CACNA2D1: variants seen among roughly 807,000 people sequenced by gnomAD.
CACNA2D1 encodes calcium voltage-gated channel auxiliary subunit alpha2delta 1.
CACNA2D1 carries 53 observed loss-of-function variants against 171.5 expected under a neutral mutation model. That is an observed-to-expected ratio of 0.31 (90% CI 0.25 to 0.39). CACNA2D1 has a LOEUF of 0.39. Among genes scored for constraint, CACNA2D1 ranks in the 10% least tolerant of loss-of-function variants. CACNA2D1 has a pLI of 1.00. For missense variants in CACNA2D1, 903 were observed against 1,299.8 expected, an observed-to-expected ratio of 0.69 and a Z score of 4.69; for synonymous variants, 442 against 443.1, an observed-to-expected ratio of 1.00 and a Z score of 0.03.
intron 6 of CACNA2D1, among the ~76,000 whole-genome samples, chr7:82,115,282 T>C (rs1469725597): frequency 2.6e-5 from 4 of 152,302 alleles, no homozygotes; most frequent in African/African-American, 9.6e-5. Context: ...GAAAATATAT[T>C]ATTCAAAAAT....
At chr7:82,028,404 A>T (rs1802220473) in intron 12 of CACNA2D1, 1 of 151,854 alleles carries the variant, frequency 6.6e-6, no homozygotes, top group Non-Finnish European at 1.5e-5. Flanking sequence ...TTACAAGGAG[A>T]TTAATGTGTT....
intron 3 of CACNA2D1, among the ~76,000 whole-genome samples, chr7:82,237,312 T>C (rs1276813766): frequency 2.0e-5 from 3 of 151,962 alleles, no homozygotes; most frequent in Non-Finnish European, 4.4e-5. Context: ...GACAGTCTAA[T>C]AACTAAAACT....
Position 81,970,737 on chromosome 7 carries a change from G to T in CACNA2D1, c.2142C>A (p.Ile714=). The change falls in exon 27 of 39, where the codon ATC becomes ATA. Residue 714 remains isoleucine (I), a splice_region_variant and synonymous_variant. Transcript: ENST00000356860. ...VQNYWSKQKN[I]KGVKARFVVT... ...CAACAAATCGTGCTTTCACTCCCTT[G>T]CTGAAACAGAAGACAAAACAAGGAA... The T allele has an allele frequency of 1.3e-6, 2 of 1,568,914 alleles. No individual in the cohort carries two copies. Among genetic ancestry groups the T allele is most frequent in the Non-Finnish European group, 1.8e-6 (2 of 1,139,560 alleles).
rs1185517581 is a variant in CACNA2D1, at chr7:82,025,674, T to C, written c.1143+7123A>G. ...GTAAGGAGACTGGGTATGATTTCAA[T>C]CTGAATTTGTTAAGAATTTGTTGTG... On this transcript the variant is annotated intron_variant, in intron 12 of 38. Coordinates refer to ENST00000356860, the MANE Select transcript of CACNA2D1 (RefSeq NM_000722.4). Among the ~76,000 whole-genome samples, 4 of 151,770 alleles carry C rather than the reference T, an allele frequency of 2.6e-5. No individual in the cohort carries two copies. In the East Asian group the frequency reaches 7.7e-4, roughly 29 times the overall value.
At chr7:82,192,607 T>A (rs1175994146) in intron 3 of CACNA2D1, among the ~76,000 whole-genome samples, 1 of 151,076 alleles carries the variant, frequency 6.6e-6, no homozygotes, top group Non-Finnish European at 1.5e-5. Context: ...AAAACAGAAA[T>A]TAAGAATTCA....
At chr7:81,985,194 T>C (rs559136721) in intron 21 of CACNA2D1, among the ~76,000 whole-genome samples, 1 of 131,468 alleles carries the variant, frequency 7.6e-6, no homozygotes, top group African/African-American at 3.1e-5. Flanking sequence ...CTATTATCAT[T>C]ACTTTTTTTT....
intron 3 of CACNA2D1, among the ~76,000 whole-genome samples, chr7:82,277,206 C>A (rs184364291): frequency 1.8e-4 from 27 of 151,934 alleles, no homozygotes; most frequent in African/African-American, 6.3e-4. Context: ...TGCGTTTTGC[C>A]TTTTCTTTTG....
intron 12 of CACNA2D1, among the ~76,000 whole-genome samples, chr7:82,019,401 G>T (rs1177386739): frequency 6.6e-6 from 1 of 152,054 alleles, no homozygotes; most frequent in Non-Finnish European, 1.5e-5. Context: ...ACTTTTAGTT[G>T]TTTCAAAACT....
intron 3 of CACNA2D1, among the ~76,000 whole-genome samples, chr7:82,322,451 CAAA>C (rs11440104): frequency 5.7e-4 from 59 of 103,920 alleles, no homozygotes; most frequent in Middle Eastern, 5.3e-3. Flanking sequence ...CCTGGCTTTA[CAAA>C]AAAAAAAAAA....
At chr7:82,110,866 A>AT (rs1252806458) in intron 6 of CACNA2D1, among the ~76,000 whole-genome samples, 2 of 152,108 alleles carry the variant, frequency 1.3e-5, no homozygotes, top group Non-Finnish European at 2.9e-5. Flanking sequence ...CCTCTTCTCT[A>AT]TTTTTATCGA....
At chr7:82,358,791 ATCT>A (rs1246939951) in intron 1 of CACNA2D1, among the ~76,000 whole-genome samples, 1 of 151,748 alleles carries the variant, frequency 6.6e-6, no homozygotes, top group Non-Finnish European at 1.5e-5. Flanking sequence ...TGTTCATAAG[ATCT>A]TCTTTTCATG....
chr7:82,150,106 G>C (rs1423631494), intron 4 of CACNA2D1, among the ~76,000 whole-genome samples: 1 of 151,848 alleles, frequency 6.6e-6, no homozygotes, highest in African/African-American at 2.4e-5. Flanking sequence ...ATGCTTAAAC[G>C]GCTTTAAGCA....
intron 6 of CACNA2D1, among the ~76,000 whole-genome samples, chr7:82,109,752 T>C (rs895685255): frequency 2.0e-5 from 3 of 152,320 alleles, no homozygotes; most frequent in Admixed American, 2.0e-4. Flanking sequence ...GATTTAAAAA[T>C]AGGAAGACAG....
intron 3 of CACNA2D1, among the ~76,000 whole-genome samples, chr7:82,196,423 C>T (rs1798858167): frequency 6.6e-6 from 1 of 151,976 alleles, no homozygotes; most frequent in Admixed American, 6.6e-5. Flanking sequence ...GGTGGGGATT[C>T]CTGTTGGATA....
Position 82,002,043 on chromosome 7 carries a change from AG to A in CACNA2D1, c.1590+3379del, listed in dbSNP as rs1280836659. ...TGACAAAAAAAAAAAAAAAAAAAAA[AG>A]AGAGAGAGAGAGAGAGAAATAACAA... On this transcript the variant is annotated intron_variant, in intron 18 of 38. Coordinates refer to ENST00000356860, the MANE Select transcript of CACNA2D1 (RefSeq NM_000722.4). Among the ~76,000 whole-genome samples, 587 of 134,148 alleles carry A rather than the reference AG, an allele frequency of 4.4e-3. 2 individuals are homozygous for A. Among genetic ancestry groups the A allele is most frequent in the Non-Finnish European group, 4.8e-3 (303 of 62,628 alleles). 88.0% of individuals were successfully genotyped at this position (134,148 alleles called of 152,430 possible).
chr7:82,109,226 C>CTTTT (rs3086908), intron 6 of CACNA2D1, among the ~76,000 whole-genome samples: 16 of 151,422 alleles, frequency 1.1e-4, no homozygotes, highest in South Asian at 4.2e-4. Context: ...TTAAAGAACC[C>CTTTT]TTTTTTTTGC....
At chr7:82,195,923 C>A (rs1162141829) in intron 3 of CACNA2D1, among the ~76,000 whole-genome samples, 1 of 152,038 alleles carries the variant, frequency 6.6e-6, no homozygotes, top group Non-Finnish European at 1.5e-5. Flanking sequence ...AATTCTAGTG[C>A]TGACTGTCTC....
rs187553140 is a variant in CACNA2D1 at position 82,114,617 on chromosome 7, A to G, written c.526+2427T>C. ...AACAAACAAAAAAAATTAGCCGGGC[A>G]TGGTGGTGCATGCCTGTAATCCTAG... On this transcript the variant is annotated intron_variant, in intron 6 of 38. Coordinates refer to ENST00000356860, the MANE Select transcript of CACNA2D1 (RefSeq NM_000722.4). Among the ~76,000 whole-genome samples, 30 of 152,142 alleles carry G rather than the reference A, an allele frequency of 2.0e-4. No homozygotes were observed. The East Asian group carries it at 5.6e-3, about 29-fold the overall frequency.
intron 22 of CACNA2D1, among the ~76,000 whole-genome samples, chr7:81,983,947 T>C (rs1052726648): frequency 2.6e-5 from 4 of 152,170 alleles, no homozygotes; most frequent in African/African-American, 9.7e-5. Flanking sequence ...TAATCGGCAG[T>C]GTGCAAAGGA....
Sources: gnomAD v4.1 joint callset for allele counts (sites outside exome capture counted in the v4.1 genomes callset) on GRCh38, gnomAD v4.1.1 for gene constraint, MANE v1.5 for transcripts, NCBI Gene and HGNC (gene_info 2026-07-23, HGNC 2026-07-21) for gene names.